The following JMJD1C variants were observed in gnomAD, a reference collection of about 807,000 sequenced individuals.
JMJD1C encodes jumonji domain containing 1C, also known as jumonji domain-containing protein 1C.
Under a neutral mutation model 245.3 loss-of-function variants are expected in JMJD1C, and 31 were observed. The observed-to-expected ratio is 0.13, with a 90% CI of 0.09 to 0.17. The LOEUF is 0.17. Among genes scored for constraint, JMJD1C ranks in the 10% least tolerant of loss-of-function variants. The pLI is 1.00. For synonymous variants in JMJD1C, 1,057 were observed against 1,017.4 expected, an observed-to-expected ratio of 1.04 and a Z score of -0.74; for missense variants, 2,691 against 3,000.2, an observed-to-expected ratio of 0.90 and a Z score of 2.41.
intron 1 of JMJD1C, among the ~76,000 whole-genome samples, chr10:63,407,333 C>A (rs1488561430): frequency 6.6e-6 from 1 of 152,236 alleles, no homozygotes; most frequent in African/African-American, 2.4e-5. Context: ...TAAGTGAAAG[C>A]TGACATAATG....
At chr10:63,318,090 C>G (rs1219995338) in intron 2 of JMJD1C, among the ~76,000 whole-genome samples, 1 of 152,218 alleles carries the variant, frequency 6.6e-6, no homozygotes, top group African/African-American at 2.4e-5. Context: ...TCACTACAAC[C>G]TCTGCCTCAA....
intron 2 of JMJD1C, among the ~76,000 whole-genome samples, chr10:63,366,986 T>A (rs1945893863): frequency 1.3e-5 from 2 of 152,070 alleles, no homozygotes; most frequent in African/African-American, 4.8e-5. Context: ...TATGTAAAAG[T>A]CTTACCAAAA....
chr10:63,263,988 A>ACT (rs1855183925), intron 3 of JMJD1C, among the ~76,000 whole-genome samples: 3 of 149,090 alleles, frequency 2.0e-5, no homozygotes, highest in Admixed American at 6.7e-5. Context: ...ACACACACAC[A>ACT]CACACACACA....
chr10:63,223,696 TAA>T (rs767639764), intron 3 of JMJD1C, among the ~76,000 whole-genome samples: 6 of 152,192 alleles, frequency 3.9e-5, no homozygotes, highest in Non-Finnish European at 7.4e-5. Context: ...TTAAATTTTA[TAA>T]GTTATAACTA....
At chr10:63,351,797 G>A (rs902616924) in intron 2 of JMJD1C, among the ~76,000 whole-genome samples, 1 of 151,848 alleles carries the variant, frequency 6.6e-6, no homozygotes, top group African/African-American at 2.4e-5. Flanking sequence ...GAGCAAATAC[G>A]GCTTAAAAAA....
intron 3 of JMJD1C, among the ~76,000 whole-genome samples, chr10:63,241,248 A>G (rs1564665795): frequency 6.6e-6 from 1 of 152,210 alleles, no homozygotes; most frequent in Non-Finnish European, 1.5e-5. Flanking sequence ...ATTAAGTTGA[A>G]AGCTCAGGAA....
At chr10:63,276,926 C>A (rs1221025969) in intron 2 of JMJD1C, among the ~76,000 whole-genome samples, 3 of 120,022 alleles carry the variant, frequency 2.5e-5, no homozygotes, top group African/African-American at 9.8e-5. Flanking sequence ...GCTCTGTCGC[C>A]CAGGCTGGAG....
intron 1 of JMJD1C, among the ~76,000 whole-genome samples, chr10:63,411,878 C>T (rs1949505906): frequency 6.6e-6 from 1 of 151,248 alleles, no homozygotes; most frequent in Admixed American, 6.6e-5. Flanking sequence ...GCTGGGATTA[C>T]AGGCGTAAGC....
At chr10:63,231,978 C>A (rs1340065607) in intron 3 of JMJD1C, among the ~76,000 whole-genome samples, 2 of 152,038 alleles carry the variant, frequency 1.3e-5, no homozygotes, top group African/African-American at 4.8e-5. Context: ...GCTGGGATTA[C>A]AGGCACTGCC....
intron 4 of JMJD1C, 34 bp downstream of exon 4, chr10:63,219,844 A>G: frequency 6.6e-7 from 1 of 1,512,570 alleles, no homozygotes; most frequent in Non-Finnish European, 9.2e-7. Context: ...GCCTAGATCC[A>G]AAAAAATTTA....
At chr10:63,311,884 G>A (rs935815001) in intron 2 of JMJD1C, among the ~76,000 whole-genome samples, 15 of 121,122 alleles carry the variant, frequency 1.2e-4, no homozygotes, top group East Asian at 2.0e-4. Context: ...AACGCTGCAC[G>A]GTACATAGTT....
At chr10:63,431,183 C>T (rs1950723996) in intron 1 of JMJD1C, among the ~76,000 whole-genome samples, 1 of 152,074 alleles carries the variant, frequency 6.6e-6, no homozygotes, top group Non-Finnish European at 1.5e-5. Flanking sequence ...AGAGTATGAA[C>T]AATAAAATAC....
Position 63,214,492 on chromosome 10 carries a change from T to C in JMJD1C, c.1675A>G (p.Lys559Glu). Residue 559 changes from lysine (K) to glutamate (E), a missense_variant, in exon 8 of 26, where the codon AAA (lysine) becomes GAA (glutamate). Around this residue, in one of 9 missense-constraint regions of JMJD1C, gnomAD observed 1,562 missense variants for 1,490.7 expected, o/e 1.05. Transcript: ENST00000399262. The stretch of plus-strand genomic sequence containing the variant: ...CTGACCCAGCTCTGGTCAGAATCTT[T>C]TTTTGCTGTTTCCAAGAATTTTGCA... ...ANAKFLETAK[K>E]DSDQSWVSDV... 2 of 1,614,038 alleles carry C rather than the reference T, an allele frequency of 1.2e-6. No homozygotes were observed. The highest frequency in any genetic ancestry group is 1.7e-6 in the Non-Finnish European group (2 of 1,180,010).
chr10:63,428,862 G>GA (rs1198147497), intron 1 of JMJD1C, among the ~76,000 whole-genome samples: 5 of 151,860 alleles, frequency 3.3e-5, no homozygotes, highest in Admixed American at 2.6e-4. Flanking sequence ...AATCTAACAA[G>GA]AAAAAAATAC....
intron 24 of JMJD1C, among the ~76,000 whole-genome samples, chr10:63,173,667 A>G (rs2132772240): frequency 6.6e-6 from 1 of 152,264 alleles, no homozygotes; most frequent in African/African-American, 2.4e-5. Flanking sequence ...GATTACAGTG[A>G]GCTATGACTG....
At chr10:63,339,180 T>C (rs565037649) in intron 2 of JMJD1C, among the ~76,000 whole-genome samples, 84 of 152,272 alleles carry the variant, frequency 5.5e-4, no homozygotes, top group Admixed American at 3.4e-3. Context: ...TATACACCAA[T>C]GTAAAGGAGC....
chr10:63,265,697 T>A, intron 2 of JMJD1C, among the ~76,000 whole-genome samples: 1 of 152,142 alleles, frequency 6.6e-6, no homozygotes, highest in East Asian at 1.9e-4. Flanking sequence ...ATAAAAAAAT[T>A]TTTTAACTGG....
intron 2 of JMJD1C, among the ~76,000 whole-genome samples, chr10:63,338,625 C>G (rs1943069404): frequency 6.9e-6 from 1 of 144,412 alleles, no homozygotes; most frequent in Non-Finnish European, 1.5e-5. Context: ...AATCAAATAT[C>G]TTTCTGCTCC....
rs569363358 is a variant in JMJD1C at position 63,482,148 on chromosome 10, C to T, written n.113+39590G>A. Among the ~76,000 whole-genome samples, 25 of 152,100 alleles carry T rather than the reference C, an allele frequency of 1.6e-4. No individual in the cohort carries two copies. The South Asian group carries it at 5.0e-3, about 30-fold the overall frequency. On this transcript the variant is annotated intron_variant and non_coding_transcript_variant, in intron 1 of 3. Transcript: ENST00000633035. ...TGTTTCAATCAACCTCATTTCCTTA[C>T]GACATTGATGAGGAAAAAAAAATTG...
Sources: allele counts gnomAD v4.1 joint callset (sites outside exome capture counted in the v4.1 genomes callset), GRCh38; gene constraint gnomAD v4.1.1; regional missense constraint gnomAD v4.1.1; transcripts MANE v1.5; gene names NCBI Gene and HGNC (gene_info 2026-07-23, HGNC 2026-07-21).